NAALADL2: variants seen among roughly 807,000 people sequenced by gnomAD.
The protein encoded by NAALADL2 is inactive N-acetylated-alpha-linked acidic dipeptidase-like protein 2.
In NAALADL2, 76 loss-of-function variants were observed where a neutral mutation model predicts 87.2. That is an observed-to-expected ratio of 0.87 (90% confidence interval 0.72 to 1.05). The LOEUF is 1.05. NAALADL2 is among the 50% of genes least tolerant of loss of function. The pLI, the probability that NAALADL2 is intolerant of heterozygous loss-of-function variation, is 0.00. For missense variants in NAALADL2, 1,089 were observed against 945.8 expected, an observed-to-expected ratio of 1.15 and a Z score of -1.99; for synonymous variants, 354 against 331.0, an observed-to-expected ratio of 1.07 and a Z score of -0.75.
At chr3:175,129,528 T>C (rs1727483917) in intron 2 of NAALADL2, among the ~76,000 whole-genome samples, 1 of 152,220 alleles carries the variant, frequency 6.6e-6, no homozygotes, top group South Asian at 2.1e-4. Flanking sequence ...TTTTATGAAT[T>C]TGACTTGGTA....
At chr3:175,418,660 A>G (rs185736812) in intron 5 of NAALADL2, among the ~76,000 whole-genome samples, 1 of 152,154 alleles carries the variant, frequency 6.6e-6, no homozygotes, top group African/African-American at 2.4e-5. Context: ...TGATAGTTAC[A>G]TAATAGCCTA....
chr3:174,735,781 G>A (rs1733134488), intron 2 of NAALADL2, among the ~76,000 whole-genome samples: 3 of 152,068 alleles, frequency 2.0e-5, no homozygotes, highest in South Asian at 4.2e-4. Flanking sequence ...GGATCCTCAG[G>A]GTGATGCTTT....
At chr3:174,588,387 A>G (rs1243452301) in intron 2 of NAALADL2, among the ~76,000 whole-genome samples, 1 of 152,080 alleles carries the variant, frequency 6.6e-6, no homozygotes, top group Admixed American at 6.6e-5. Context: ...CATCAAAGTC[A>G]TTTTCCATCC....
rs572501489 is a variant in NAALADL2 at position 175,645,478 on chromosome 3, C to T, written c.1896+18092C>T. On this transcript the variant is annotated intron_variant, in intron 11 of 13. Coordinates refer to ENST00000454872, the MANE Select transcript of NAALADL2 (RefSeq NM_207015.3). ...GTAACAGTGGAATATGGCCAAGGCTCCGGGGAGTCCTACCTAGTCTGGGAC... is the reference window on the plus strand; with the variant it reads ...GTAACAGTGGAATATGGCCAAGGCTTCGGGGAGTCCTACCTAGTCTGGGAC... Among the ~76,000 whole-genome samples, 10 of 152,126 alleles carry T rather than the reference C, an allele frequency of 6.6e-5. No individual in the cohort carries two copies. The South Asian group carries it at 1.0e-3, about 16-fold the overall frequency.
At chr3:175,056,485 A>T (rs1712202823) in intron 1 of NAALADL2, among the ~76,000 whole-genome samples, 1 of 152,072 alleles carries the variant, frequency 6.6e-6, no homozygotes, top group Non-Finnish European at 1.5e-5. Flanking sequence ...CCTGGATTCG[A>T]GCCCCCACGT....
At chr3:175,558,237 G>A (rs1715665666) in intron 9 of NAALADL2, among the ~76,000 whole-genome samples, 1 of 148,890 alleles carries the variant, frequency 6.7e-6, no homozygotes, top group East Asian at 2.0e-4. Flanking sequence ...AAAGAAAAAT[G>A]TCTAATCAGG....
intron 1 of NAALADL2, among the ~76,000 whole-genome samples, chr3:174,957,527 G>C (rs186828937): frequency 6.6e-6 from 1 of 152,094 alleles, no homozygotes; most frequent in Admixed American, 6.6e-5. Flanking sequence ...TAAGCTGTGG[G>C]GGTATATCCC....
chr3:175,292,052 GA>G (rs1477962421), intron 4 of NAALADL2, among the ~76,000 whole-genome samples: 2 of 152,150 alleles, frequency 1.3e-5, no homozygotes, highest in African/African-American at 4.8e-5. Context: ...AATGCCATTT[GA>G]AAAACAGAAT....
intron 9 of NAALADL2, among the ~76,000 whole-genome samples, chr3:175,558,353 G>A (rs567485518): frequency 1.3e-5 from 2 of 152,132 alleles, no homozygotes; most frequent in South Asian, 4.1e-4. Context: ...TGGATAGTTT[G>A]TAAATATTTT....
At chr3:174,450,890 A>AAAAAG (rs1715436670) in intron 1 of NAALADL2, among the ~76,000 whole-genome samples, 1 of 150,076 alleles carries the variant, frequency 6.7e-6, no homozygotes, top group African/African-American at 2.4e-5. Context: ...AAAAAAAAAA[A>AAAAAG]AAAGAAAGAA....
chr3:174,984,056 G>T (rs753335384), intron 1 of NAALADL2, among the ~76,000 whole-genome samples: 1 of 152,000 alleles, frequency 6.6e-6, no homozygotes, highest in Non-Finnish European at 1.5e-5. Context: ...TAGATAAGAT[G>T]TCCCACAATG....
intron 11 of NAALADL2, among the ~76,000 whole-genome samples, chr3:175,718,883 C>T (rs1399853177): frequency 6.6e-6 from 1 of 151,884 alleles, no homozygotes; most frequent in Non-Finnish European, 1.5e-5. Flanking sequence ...ACAAAAAACA[C>T]CACCACCACC....
chr3:175,470,700 A>G (rs1045461807), intron 8 of NAALADL2, among the ~76,000 whole-genome samples: 1 of 152,162 alleles, frequency 6.6e-6, no homozygotes, highest in African/African-American at 2.4e-5. Context: ...GGAAAATAGC[A>G]GAAAGACTTA....
At chr3:175,747,349 T>C (rs562018714) in intron 12 of NAALADL2, among the ~76,000 whole-genome samples, 1 of 152,354 alleles carries the variant, frequency 6.6e-6, no homozygotes, top group East Asian at 1.9e-4. Context: ...ACCTACATTT[T>C]ATATGTGACA....
chr3:174,843,386 T>C (rs142531768), intron 3 of NAALADL2, among the ~76,000 whole-genome samples: 22 of 152,224 alleles, frequency 1.4e-4, no homozygotes, highest in African/African-American at 5.1e-4. Context: ...TTTTTTATGG[T>C]TGAATAGCAT....
At chr3:175,082,491 A>T (rs897414361) in intron 1 of NAALADL2, among the ~76,000 whole-genome samples, 10 of 152,240 alleles carry the variant, frequency 6.6e-5, no homozygotes, top group African/African-American at 9.6e-5. Flanking sequence ...GTGATAAATT[A>T]TGCTGGGTAA....
Position 175,160,360 on chromosome 3 carries a change from C to CTTTTTTTTTTTTTTT in NAALADL2, c.545+63083_545+63097dup, listed in dbSNP as rs71164618. ...TATATTATATGTGTATCTTTTCTTTCTTTTTTTTTTTTTTTTTTTTTTTTT... is the reference window on the plus strand; with the variant it reads ...TATATTATATGTGTATCTTTTCTTTCTTTTTTTTTTTTTTTTTTTTTTTTTTTTTTTTTTTTTTTT... On this transcript the variant is annotated intron_variant, in intron 2 of 13. Transcript: ENST00000454872. 3.9e-4 allele frequency among the ~76,000 whole-genome samples: 22 copies of CTTTTTTTTTTTTTTT among 57,040 alleles called. 4 individuals carry two copies. Among genetic ancestry groups the CTTTTTTTTTTTTTTT allele is most frequent in the East Asian group, 6.4e-4 (1 of 1,552 alleles). 37.4% of individuals were successfully genotyped at this position (57,040 alleles called of 152,430 possible).
intron 1 of NAALADL2, among the ~76,000 whole-genome samples, chr3:174,953,105 G>A (rs1740622621): frequency 6.6e-6 from 1 of 151,954 alleles, no homozygotes; most frequent in Non-Finnish European, 1.5e-5. Flanking sequence ...GTTTACAGAA[G>A]AAGAAATTGA....
intron 4 of NAALADL2, among the ~76,000 whole-genome samples, chr3:175,272,065 GA>G (rs1037490356): frequency 1.3e-5 from 2 of 152,074 alleles, no homozygotes; most frequent in Non-Finnish European, 2.9e-5. Context: ...CTGGTAAGAA[GA>G]AAACTTCCAA....
Sources: allele counts gnomAD v4.1 joint callset (sites outside exome capture counted in the v4.1 genomes callset), GRCh38; gene constraint gnomAD v4.1.1; transcripts MANE v1.5; gene names NCBI Gene and HGNC (gene_info 2026-07-23, HGNC 2026-07-21).